The following CCDC6 variants were observed in gnomAD, a reference collection of about 807,000 sequenced individuals.
CCDC6 encodes the protein coiled-coil domain-containing protein 6.
CCDC6 carries 20 observed loss-of-function variants against 56.6 expected under a neutral mutation model. The observed-to-expected ratio is 0.35, with a 90% CI of 0.25 to 0.51. The LOEUF (loss-of-function observed/expected upper bound fraction) is 0.51. CCDC6 is among the 20% of genes least tolerant of loss of function. The pLI, the probability that CCDC6 is intolerant of heterozygous loss-of-function variation, is 0.95. For synonymous variants in CCDC6, 241 were observed against 234.4 expected, an observed-to-expected ratio of 1.03 and a Z score of -0.26; for missense variants, 367 against 601.1, an observed-to-expected ratio of 0.61 and a Z score of 4.07.
In CCDC6 at chr10:59,906,293, CCCACCGCCGCCGCCTCCCCCGCCG is replaced by C. The variant is rs757440218; in HGVS notation, c.108_131del (p.Gly37_Gly44del). 187 of 1,605,518 alleles carry C rather than the reference CCCACCGCCGCCGCCTCCCCCGCCG, an allele frequency of 1.2e-4. No homozygotes were observed. The highest frequency in any genetic ancestry group is 5.0e-4 in the Middle Eastern group (3 of 6,050). ...GCGAGATGACAATGCCCCCCGACTT[CCCACCGCCGCCGCCTCCCCCGCCG>C]CCACCGCCGCCGCCCGAGGTCGACG... On this transcript the variant is annotated inframe_deletion, in exon 1 of 9. Transcript: ENST00000263102.
At chr10:59,876,481 G>A (rs1209996859) in intron 1 of CCDC6, among the ~76,000 whole-genome samples, 1 of 151,038 alleles carries the variant, frequency 6.6e-6, no homozygotes, top group Non-Finnish European at 1.5e-5. Context: ...TACCCAGAAA[G>A]GATACCAGGC....
At chr10:59,820,272 G>T (rs900349539) in intron 3 of CCDC6, among the ~76,000 whole-genome samples, 1 of 152,150 alleles carries the variant, frequency 6.6e-6, no homozygotes, top group African/African-American at 2.4e-5. Context: ...AAAAAAAGCC[G>T]GATGAGAACT....
At chr10:59,871,563 A>C (rs966346524) in intron 1 of CCDC6, among the ~76,000 whole-genome samples, 1 of 151,706 alleles carries the variant, frequency 6.6e-6, no homozygotes, top group East Asian at 1.9e-4. Context: ...TGGGGCCCCA[A>C]GGTTCCATTG....
At chr10:59,797,587 GCAAAAA>G (rs1396742084) in intron 7 of CCDC6, among the ~76,000 whole-genome samples, 2 of 30,170 alleles carry the variant, frequency 6.6e-5, no homozygotes, top group African/African-American at 4.2e-4. Context: ...GAACCTCCTA[GCAAAAA>G]AAAAAAAAAA....
At position 59,789,317 on chromosome 10, in the gene CCDC6, T is replaced by G; in HGVS notation, c.*3600A>C. On this transcript the variant is annotated 3_prime_UTR_variant, in exon 9 of 9. Coordinates refer to ENST00000263102, the MANE Select transcript of CCDC6 (RefSeq NM_005436.5). ...GCACCCATGCTATCAAGACACAGGA[T>G]TTTTTCAGTTGCCTCATGAGAGGCA... 4.3e-6 allele frequency: 1 copy of G among 231,188 alleles called. No individual in the cohort carries two copies. The highest frequency in any genetic ancestry group is 5.7e-5 in the Admixed American group (1 of 17,690). 14.3% of individuals were successfully genotyped at this position (231,188 alleles called of 1,614,324 possible). A position where few individuals can be genotyped will look rare whatever the true frequency, so the allele number is the denominator to read the frequency against.
intron 1 of CCDC6, among the ~76,000 whole-genome samples, chr10:59,855,660 T>A (rs2071075938): frequency 6.6e-6 from 1 of 152,214 alleles, no homozygotes; most frequent in Admixed American, 6.5e-5. Flanking sequence ...TTTGGGGTGA[T>A]GAAAATGTTC....
intron 1 of CCDC6, among the ~76,000 whole-genome samples, chr10:59,867,619 T>C (rs967650941): frequency 5.9e-5 from 9 of 152,200 alleles, no homozygotes; most frequent in African/African-American, 2.2e-4. Flanking sequence ...AGTGGCACTA[T>C]CATGGCTCAC....
intron 3 of CCDC6, among the ~76,000 whole-genome samples, chr10:59,831,536 T>C (rs2070836166): frequency 1.3e-5 from 2 of 152,148 alleles, no homozygotes; most frequent in South Asian, 2.1e-4. Flanking sequence ...GAATGTGAGA[T>C]AAATCAGACA....
At chr10:59,832,031 A>C (rs1180482614) in intron 3 of CCDC6, among the ~76,000 whole-genome samples, 1 of 152,260 alleles carries the variant, frequency 6.6e-6, no homozygotes, top group Non-Finnish European at 1.5e-5. Context: ...TGGTTGACTC[A>C]AGGTGAGTTA....
intron 1 of CCDC6, among the ~76,000 whole-genome samples, chr10:59,888,199 C>T (rs1589062697): frequency 2.0e-5 from 3 of 152,350 alleles, no homozygotes; most frequent in East Asian, 1.9e-4. Context: ...ACACATAGCA[C>T]CGCACCAGAC....
rs757438905 is a variant in CCDC6, at chr10:59,794,563, C to T, written c.1140G>A (p.Thr380=). The change falls in exon 8 of 9, where the codon ACG becomes ACA. Residue 380 remains threonine (T), a synonymous_variant. Coordinates refer to ENST00000263102, the MANE Select transcript of CCDC6 (RefSeq NM_005436.5). The part of the protein sequence containing the change: ...LSYASHTVGF[T]PPTSLTRAGM... ...CAGCTCTAGTCAGTGAAGTTGGTGGCGTGAAACCAACCGTGTGACTTGCAT... is the reference window on the plus strand; with the variant it reads ...CAGCTCTAGTCAGTGAAGTTGGTGGTGTGAAACCAACCGTGTGACTTGCAT... 1.3e-5 allele frequency: 21 copies of T among 1,613,768 alleles called. No homozygotes were observed. The highest frequency in any genetic ancestry group is 3.3e-5 in the Admixed American group (2 of 60,004).
At chr10:59,816,970 A>T (rs2070714432) in intron 3 of CCDC6, among the ~76,000 whole-genome samples, 1 of 152,204 alleles carries the variant, frequency 6.6e-6, no homozygotes, top group Non-Finnish European at 1.5e-5. Context: ...AAGGGCAAAA[A>T]GGAGGAGGTG....
At chr10:59,891,607 T>G (rs1229136105) in intron 1 of CCDC6, among the ~76,000 whole-genome samples, 1 of 152,164 alleles carries the variant, frequency 6.6e-6, no homozygotes, top group Non-Finnish European at 1.5e-5. Context: ...TCATTAGCAC[T>G]AATCTTCCTT....
chr10:59,825,613 T>C (rs2070782017), intron 3 of CCDC6, among the ~76,000 whole-genome samples: 1 of 152,212 alleles, frequency 6.6e-6, no homozygotes, highest in Non-Finnish European at 1.5e-5. Context: ...GACACAAAGA[T>C]TATCTGTATA....
At chr10:59,829,082 A>G (rs2070813120) in intron 3 of CCDC6, among the ~76,000 whole-genome samples, 1 of 152,206 alleles carries the variant, frequency 6.6e-6, no homozygotes, top group African/African-American at 2.4e-5. Flanking sequence ...GACTAATTGA[A>G]GTGTCCATAC....
intron 1 of CCDC6, among the ~76,000 whole-genome samples, chr10:59,862,500 A>ATTATATATATAT (rs1311584688): frequency 2.0e-5 from 2 of 99,282 alleles, no homozygotes; most frequent in Admixed American, 9.9e-5. Flanking sequence ...GAAAAAAAAA[A>ATTATATATATAT]GTATATATAT....
intron 5 of CCDC6, among the ~76,000 whole-genome samples, chr10:59,809,970 A>G (rs1050863832): frequency 6.6e-6 from 1 of 152,222 alleles, no homozygotes; most frequent in African/African-American, 2.4e-5. Flanking sequence ...AAAGATCTGC[A>G]TGGCTTGCAT....
intron 1 of CCDC6, among the ~76,000 whole-genome samples, chr10:59,904,985 C>G (rs1169269600): frequency 1.3e-5 from 2 of 152,182 alleles, no homozygotes; most frequent in Non-Finnish European, 2.9e-5. Flanking sequence ...ATCCCTTTTT[C>G]TTCATTTCAA....
intron 8 of CCDC6, 147 bp downstream of exon 8, chr10:59,794,326 T>G: frequency 1.5e-6 from 1 of 681,484 alleles, no homozygotes; most frequent in South Asian, 2.8e-5. Flanking sequence ...GGTATCAAAC[T>G]GTTTAAGTCT....
Sources: gnomAD v4.1 joint callset for allele counts (sites outside exome capture counted in the v4.1 genomes callset) on GRCh38, gnomAD v4.1.1 for gene constraint, MANE v1.5 for transcripts, NCBI Gene and HGNC (gene_info 2026-07-23, HGNC 2026-07-21) for gene names.